The following ARMH4 variants were observed in gnomAD, a reference collection of about 807,000 sequenced individuals.
ARMH4 encodes the protein armadillo like helical domain containing 4, also known as armadillo-like helical domain-containing protein 4.
ARMH4 carries 49 observed loss-of-function variants against 61.9 expected under a neutral mutation model. That is an observed-to-expected ratio of 0.79 (90% CI 0.63 to 1.00). The LOEUF is 1.00. Among genes scored for constraint, ARMH4 ranks in the 50% least tolerant of loss-of-function variants. ARMH4 has a pLI of 0.00. For synonymous variants in ARMH4, 368 were observed against 341.5 expected (o/e 1.08, Z -0.85); for missense variants, 934 against 930.0 (o/e 1.00, Z -0.06).
intron 5 of ARMH4, among the ~76,000 whole-genome samples, chr14:58,031,149 G>A (rs1173527705): frequency 1.3e-5 from 2 of 152,208 alleles, no homozygotes; most frequent in South Asian, 2.1e-4. Context: ...AATGAAGACT[G>A]CAGTTAGGCT....
chr14:58,038,521 G>T (rs970935032), intron 5 of ARMH4, among the ~76,000 whole-genome samples: 1 of 129,050 alleles, frequency 7.7e-6, no homozygotes, highest in African/African-American at 2.9e-5. Context: ...CCTGCACAAT[G>T]TGCACATGTA....
intron 5 of ARMH4, among the ~76,000 whole-genome samples, chr14:58,027,618 T>TAACATCTAC (rs1429934460): frequency 6.6e-6 from 1 of 150,424 alleles, no homozygotes; most frequent in Non-Finnish European, 1.5e-5. Context: ...ACATATCTAT[T>TAACATCTAC]AACATCTACA....
intron 5 of ARMH4, among the ~76,000 whole-genome samples, chr14:58,084,640 C>T (rs1885327435): frequency 1.3e-5 from 2 of 152,132 alleles, no homozygotes; most frequent in Admixed American, 6.5e-5. Flanking sequence ...AATTCAAATC[C>T]CATTATTTCA....
chr14:58,073,980 C>G (rs1884966434), intron 5 of ARMH4, among the ~76,000 whole-genome samples: 1 of 151,976 alleles, frequency 6.6e-6, no homozygotes, highest in African/African-American at 2.4e-5. Flanking sequence ...AAAGTATCAT[C>G]TCAAATCCCA....
chr14:58,045,270 T>C (rs979541777), intron 5 of ARMH4, among the ~76,000 whole-genome samples: 7 of 152,186 alleles, frequency 4.6e-5, no homozygotes, highest in Non-Finnish European at 7.3e-5. Context: ...CACCATGGAA[T>C]ACTATGCAGC....
chr14:58,120,008 G>A (rs2141302578), intron 4 of ARMH4, among the ~76,000 whole-genome samples: 1 of 152,148 alleles, frequency 6.6e-6, no homozygotes, highest in South Asian at 2.1e-4. Context: ...GATACATTCT[G>A]AGAAATGTGT....
At chr14:58,129,137 G>C (rs1887000005) in intron 4 of ARMH4, among the ~76,000 whole-genome samples, 1 of 152,180 alleles carries the variant, frequency 6.6e-6, no homozygotes, top group Non-Finnish European at 1.5e-5. Flanking sequence ...GTGGTACTTA[G>C]TTATGACAGC....
At chr14:58,141,556 G>A (rs537423472) in intron 1 of ARMH4, 21 of 513,054 alleles carry the variant, frequency 4.1e-5, no homozygotes, top group African/African-American at 1.7e-4. Context: ...CAACTGCGAC[G>A]AGATGATCTG....
chr14:58,043,501 C>G (rs558366996), intron 5 of ARMH4, among the ~76,000 whole-genome samples: 3 of 152,290 alleles, frequency 2.0e-5, no homozygotes, highest in Admixed American at 6.5e-5. Context: ...CAATATCATA[C>G]TGAATGGGCA....
intron 4 of ARMH4, among the ~76,000 whole-genome samples, chr14:58,126,825 T>C (rs762257412): frequency 4.0e-5 from 6 of 148,614 alleles, no homozygotes; most frequent in South Asian, 2.1e-4. Flanking sequence ...TTTTTTGAGA[T>C]GGAATCTTGC....
intron 4 of ARMH4, among the ~76,000 whole-genome samples, chr14:58,120,662 G>A (rs1230068122): frequency 6.6e-6 from 1 of 152,142 alleles, no homozygotes; most frequent in Non-Finnish European, 1.5e-5. Flanking sequence ...GGAATGTTCA[G>A]GTTAAGATAA....
In ARMH4 at chr14:58,048,902, A is replaced by G. The variant is rs138929950; in HGVS notation, c.2090-36752T>C. 8.6e-3 allele frequency among the ~76,000 whole-genome samples: 1,303 copies of G among 152,310 alleles called. 6 individuals are homozygous for G. The highest frequency in any genetic ancestry group is 0.014 in the Non-Finnish European group (939 of 68,022). On this transcript the variant is annotated intron_variant, in intron 5 of 7. Transcript: ENST00000267485. ...AACCTACTGAACTTCTGATCAAAAT[A>G]CATTAAGCCTCACTGATGAGAGAAA...
At chr14:58,048,259 T>C (rs1381088641) in intron 5 of ARMH4, among the ~76,000 whole-genome samples, 1 of 152,210 alleles carries the variant, frequency 6.6e-6, no homozygotes, top group Non-Finnish European at 1.5e-5. Context: ...TATCTTCTCA[T>C]CTGCCAGGCC....
At chr14:58,126,872 G>A (rs557143598) in intron 4 of ARMH4, among the ~76,000 whole-genome samples, 10 of 145,096 alleles carry the variant, frequency 6.9e-5, no homozygotes, top group East Asian at 2.0e-4. Context: ...GTGTGATCTC[G>A]GCTCACTGCA....
At chr14:58,072,752 G>A (rs183318163) in intron 5 of ARMH4, among the ~76,000 whole-genome samples, 4 of 151,920 alleles carry the variant, frequency 2.6e-5, no homozygotes, top group Admixed American at 6.6e-5. Flanking sequence ...TGGCCAGAGC[G>A]TTCCTTTTTA....
rs755337190 is a variant in ARMH4, at chr14:58,133,285, T to C, written c.1426A>G (p.Met476Val). ...AVQEPDATLSMVTQEQVATLE... is the reference protein window; with the variant it reads ...AVQEPDATLSVVTQEQVATLE... ...GTAGCAACCTGCTCTTGTGTCACCA[T>C]GGATAAAGTGGCATCTGGCTCTTGA... is the stretch of plus-strand genomic sequence containing the variant. Residue 476 changes from methionine to valine, a missense_variant, in exon 3 of 8, where the codon ATG becomes GTG. Coordinates refer to ENST00000267485, the MANE Select transcript of ARMH4 (RefSeq NM_001001872.4). 2 of 1,613,956 alleles carry C rather than the reference T, an allele frequency of 1.2e-6. No individual in the cohort carries two copies. Among genetic ancestry groups the C allele is most frequent in the Non-Finnish European group, 8.5e-7 (1 of 1,180,000 alleles).
chr14:58,052,439 T>C (rs1401552954), intron 5 of ARMH4, among the ~76,000 whole-genome samples: 2 of 151,538 alleles, frequency 1.3e-5, no homozygotes, highest in African/African-American at 4.9e-5. Flanking sequence ...AAATACTAGA[T>C]TCGAACTGCC....
intron 1 of ARMH4, among the ~76,000 whole-genome samples, chr14:58,143,042 G>A (rs1294837785): frequency 1.3e-5 from 2 of 152,200 alleles, no homozygotes; most frequent in Non-Finnish European, 2.9e-5. Context: ...ACCCCTGGCT[G>A]ACATCTTGAC....
At chr14:58,120,483 T>C (rs1886689357) in intron 4 of ARMH4, among the ~76,000 whole-genome samples, 1 of 152,094 alleles carries the variant, frequency 6.6e-6, no homozygotes, top group Admixed American at 6.5e-5. Flanking sequence ...GAGTCCTTTT[T>C]TTGTGATCCT....
Sources: allele counts gnomAD v4.1 joint callset (sites outside exome capture counted in the v4.1 genomes callset), GRCh38; gene constraint gnomAD v4.1.1; transcripts MANE v1.5; gene names NCBI Gene and HGNC (gene_info 2026-07-23, HGNC 2026-07-21).